The following PTPRM variants were observed in gnomAD, a reference collection of about 807,000 sequenced individuals.
PTPRM encodes the protein protein tyrosine phosphatase receptor type M, also known as receptor-type tyrosine-protein phosphatase mu.
Under a neutral mutation model 186.7 loss-of-function variants are expected in PTPRM, and 47 were observed. That is an observed-to-expected ratio of 0.25 (90% CI 0.20 to 0.32). The LOEUF (loss-of-function observed/expected upper bound fraction) is 0.32. Ranked by LOEUF, PTPRM falls within the 10% of genes least tolerant of loss-of-function variation. The pLI, the probability that PTPRM is intolerant of heterozygous loss-of-function variation, is 1.00. For synonymous variants in PTPRM, 668 were observed against 674.9 expected (o/e 0.99, Z 0.16); for missense variants, 1,494 against 1,865.0 (o/e 0.80, Z 3.66).
At chr18:8,237,039 T>G (rs2094353126) in intron 14 of PTPRM, among the ~76,000 whole-genome samples, 1 of 152,240 alleles carries the variant, frequency 6.6e-6, no homozygotes, top group South Asian at 2.1e-4. Flanking sequence ...GTTACTTTTT[T>G]CAGTGGTTGC....
rs370020760 is a variant in PTPRM at position 8,352,955 on chromosome 18, C to T, written c.3054+9435C>T. On this transcript the variant is annotated intron_variant, in intron 23 of 32. Transcript: ENST00000580170. ...AAAGTGCTGGGATTACAGGTGTGAG[C>T]CACCCCACCCGGCCCGATTTCGTTT... Among the ~76,000 whole-genome samples, 548 of 152,274 alleles carry T rather than the reference C, an allele frequency of 3.6e-3. 5 individuals are homozygous for T. Among genetic ancestry groups the T allele is most frequent in the Non-Finnish European group, 1.6e-3 (106 of 68,022 alleles).
chr18:8,366,043 A>C lies in PTPRM; in HGVS notation c.3055-4847A>C, dbSNP rs2095627207. Among the ~76,000 whole-genome samples the C allele has an allele frequency of 3.3e-5, 5 of 152,158 alleles. No homozygotes were observed. The South Asian group carries it at 1.0e-3, about 31-fold the overall frequency. On this transcript the variant is annotated intron_variant, in intron 23 of 32. Transcript: ENST00000580170. ...CCTCTGTCCCACCCCAGAAATTATG[A>C]TTTAATTAGAGTATGGCCTGGGCTG...
intron 7 of PTPRM, among the ~76,000 whole-genome samples, chr18:8,066,287 C>T (rs1409330262): frequency 6.6e-6 from 1 of 152,142 alleles, no homozygotes. Context: ...TTAAAGAAGG[C>T]TGCTGTCATA....
At chr18:8,267,227 A>T (rs1056549540) in intron 19 of PTPRM, among the ~76,000 whole-genome samples, 1 of 152,172 alleles carries the variant, frequency 6.6e-6, no homozygotes, top group African/African-American at 2.4e-5. Context: ...TTCTTGAAAC[A>T]TGAAGAGAAT....
intron 1 of PTPRM, among the ~76,000 whole-genome samples, chr18:7,700,658 C>T (rs948549647): frequency 2.0e-5 from 3 of 152,068 alleles, no homozygotes; most frequent in Admixed American, 6.5e-5. Context: ...GCCTCCCAGG[C>T]GCCTGGAAGA....
chr18:8,037,234 A>T (rs2086390699), intron 7 of PTPRM, among the ~76,000 whole-genome samples: 1 of 152,150 alleles, frequency 6.6e-6, no homozygotes, highest in Non-Finnish European at 1.5e-5. Context: ...CTCACACTTA[A>T]TACCTTCATT....
intron 7 of PTPRM, among the ~76,000 whole-genome samples, chr18:7,962,926 T>A (rs1190335867): frequency 1.3e-5 from 2 of 152,250 alleles, no homozygotes; most frequent in Non-Finnish European, 2.9e-5. Context: ...CAATGGCTGT[T>A]ATTCGGAAGG....
intron 10 of PTPRM, among the ~76,000 whole-genome samples, chr18:8,086,803 T>C (rs776303134): frequency 3.9e-5 from 6 of 152,156 alleles, no homozygotes; most frequent in Non-Finnish European, 7.4e-5. Context: ...AGGGAGGGTT[T>C]AGAATTTTCT....
intron 2 of PTPRM, among the ~76,000 whole-genome samples, chr18:7,838,064 C>T (rs1362147135): frequency 1.3e-5 from 2 of 152,132 alleles, no homozygotes; most frequent in African/African-American, 4.8e-5. Flanking sequence ...AGTCTCTTCT[C>T]AGGCTGCTGT....
intron 1 of PTPRM, among the ~76,000 whole-genome samples, chr18:7,755,642 C>T (rs1274530087): frequency 6.6e-6 from 1 of 152,188 alleles, no homozygotes; most frequent in African/African-American, 2.4e-5. Context: ...ACAATCTGCC[C>T]TCATTTCTTG....
In PTPRM at chr18:8,393,059, G is replaced by A. The variant is rs572659590; in HGVS notation, c.4209-1417G>A. The stretch of plus-strand genomic sequence containing the variant: ...CCAACGGATGCTCAAATCAGTGGGC[G>A]AGAAACAAAATATTTGCGTAGTCCC... On this transcript the variant is annotated intron_variant, in intron 31 of 32. Coordinates refer to ENST00000580170, the MANE Select transcript of PTPRM (RefSeq NM_001105244.2). Among the ~76,000 whole-genome samples the A allele has an allele frequency of 3.9e-5, 6 of 152,302 alleles. No homozygotes were observed. In the East Asian group the frequency reaches 9.6e-4, roughly 24 times the overall value.
At chr18:8,119,845 C>T (rs2092104635) in intron 13 of PTPRM, among the ~76,000 whole-genome samples, 1 of 152,070 alleles carries the variant, frequency 6.6e-6, no homozygotes, top group Non-Finnish European at 1.5e-5. Flanking sequence ...CAGATATTGT[C>T]TTCAAAGTGT....
At chr18:7,645,656 G>C (rs1352026848) in intron 1 of PTPRM, among the ~76,000 whole-genome samples, 2 of 152,166 alleles carry the variant, frequency 1.3e-5, no homozygotes, top group East Asian at 1.9e-4. Flanking sequence ...CATTTTGGCT[G>C]TGAGACCAAT....
intron 19 of PTPRM, among the ~76,000 whole-genome samples, chr18:8,265,043 A>G (rs2094684633): frequency 6.6e-6 from 1 of 152,126 alleles, no homozygotes. Context: ...CTTGTGTTTT[A>G]TTGATGTGAC....
At chr18:7,616,483 C>T (rs571302826) in intron 1 of PTPRM, among the ~76,000 whole-genome samples, 1 of 152,166 alleles carries the variant, frequency 6.6e-6, no homozygotes, top group East Asian at 1.9e-4. Flanking sequence ...TCACTCCACA[C>T]CTGACCAGGG....
intron 1 of PTPRM, among the ~76,000 whole-genome samples, chr18:7,649,741 TAAAGA>T (rs1568004728): frequency 1.3e-5 from 2 of 150,726 alleles, no homozygotes; most frequent in Admixed American, 6.6e-5. Flanking sequence ...ATACTAATAA[TAAAGA>T]AAAAGAAAAA....
At chr18:8,189,744 A>C (rs1338180819) in intron 14 of PTPRM, among the ~76,000 whole-genome samples, 2 of 152,174 alleles carry the variant, frequency 1.3e-5, no homozygotes, top group Non-Finnish European at 2.9e-5. Flanking sequence ...TTCCATCTGG[A>C]ATACCTGAGT....
intron 2 of PTPRM, among the ~76,000 whole-genome samples, chr18:7,826,916 A>G (rs1237224193): frequency 6.6e-6 from 1 of 152,124 alleles, no homozygotes; most frequent in Non-Finnish European, 1.5e-5. Flanking sequence ...CAACATGGTT[A>G]TATCCCGTCT....
chr18:7,831,862 A>T (rs1465179693), intron 2 of PTPRM, among the ~76,000 whole-genome samples: 1 of 152,178 alleles, frequency 6.6e-6, no homozygotes, highest in South Asian at 2.1e-4. Context: ...TCCACAAATA[A>T]GTGAGAACAT....
Sources: allele counts gnomAD v4.1 joint callset (sites outside exome capture counted in the v4.1 genomes callset), GRCh38; gene constraint gnomAD v4.1.1; transcripts MANE v1.5; gene names NCBI Gene and HGNC (gene_info 2026-07-23, HGNC 2026-07-21).